Variants in PPARGC1B observed in about 807,000 individuals in gnomAD.
PPARGC1B encodes the protein PPARG coactivator 1 beta, also known as peroxisome proliferator-activated receptor gamma coactivator 1-beta.
A neutral mutation model predicts 101.6 loss-of-function variants in PPARGC1B; 34 were observed. The observed-to-expected ratio is 0.33, with a 90% CI of 0.25 to 0.45. The LOEUF (loss-of-function observed/expected upper bound fraction) is 0.45, where lower values mean the gene tolerates loss of function less well. Ranked by LOEUF, PPARGC1B falls within the 20% of genes least tolerant of loss-of-function variation. The pLI is 1.00. For synonymous variants in PPARGC1B, 548 were observed against 539.3 expected (o/e 1.02, Z -0.22); for missense variants, 1,234 against 1,317.6 (o/e 0.94, Z 0.98).
At chr5:149,804,608 T>G (rs1383736643) in intron 1 of PPARGC1B, among the ~76,000 whole-genome samples, 1 of 152,088 alleles carries the variant, frequency 6.6e-6, no homozygotes, top group Non-Finnish European at 1.5e-5. Flanking sequence ...GGAGACAGAT[T>G]GCAGTGAGGT....
In PPARGC1B at chr5:149,826,679, A is replaced by G. The variant is rs1389067862; in HGVS notation, c.259A>G (p.Ser87Gly). 3 of 1,613,540 alleles carry G rather than the reference A, an allele frequency of 1.9e-6. No homozygotes were observed. Residue 87 changes from serine (S) to glycine (G), a missense_variant, in exon 3 of 12, where the codon AGT becomes GGT. Ser to Gly is a moderately conservative substitution (Grantham distance 56, BLOSUM62 0). This residue lies in a region of PPARGC1B where 734 missense variants were observed against 768.4 expected (regional missense o/e 0.96). Coordinates refer to ENST00000309241, the MANE Select transcript of PPARGC1B (RefSeq NM_133263.4). ...CCCGCCCTCCTCACTCCAGATTGAC[A>G]GTGAGAATGAGGCCCTCCTGGCAGA... ...PDDSELFQID[S>G]ENEALLAELT...
intron 1 of PPARGC1B, among the ~76,000 whole-genome samples, chr5:149,776,225 G>A (rs1205341219): frequency 6.6e-6 from 1 of 152,206 alleles, no homozygotes; most frequent in Non-Finnish European, 1.5e-5. Flanking sequence ...AGTAGTAGGG[G>A]CTGAACCATA....
At chr5:149,818,692 T>C (rs2113349105) in intron 1 of PPARGC1B, 1 of 367,138 alleles carries the variant, frequency 2.7e-6, no homozygotes, top group Middle Eastern at 9.3e-4. Context: ...TGCCTCTTTT[T>C]GTTCTCTGAG....
chr5:149,773,978 A>G lies in PPARGC1B; in HGVS notation c.78+43558A>G, dbSNP rs1581037608. Among the ~76,000 whole-genome samples the G allele has an allele frequency of 2.6e-5, 4 of 152,190 alleles. No homozygotes were observed. In the South Asian group the frequency reaches 8.3e-4, roughly 31 times the overall value. The stretch of plus-strand genomic sequence containing the variant: ...TGTCCCCAGATGCATGGCAGCCTGT[A>G]CCTGCCAGTCAGAAAGCAGGTGTCC... On this transcript the variant is annotated intron_variant, in intron 1 of 11. Coordinates refer to ENST00000309241, the MANE Select transcript of PPARGC1B (RefSeq NM_133263.4).
At position 149,737,984 on chromosome 5, in the gene PPARGC1B, ACT is replaced by A. The variant is rs200006526; in HGVS notation, c.78+7567_78+7568del. On this transcript the variant is annotated intron_variant, in intron 1 of 11. Coordinates refer to ENST00000309241, the MANE Select transcript of PPARGC1B (RefSeq NM_133263.4). ...ACTCCAGCTTGGGTGACAGAGTGAG[ACT>A]CTGTCTCAAAAAAAAGATTGTTGTG... is the stretch of plus-strand genomic sequence containing the variant. Among the ~76,000 whole-genome samples, 1,222 of 152,214 alleles carry A rather than the reference ACT, an allele frequency of 8.0e-3. 19 individuals are homozygous for A. The highest frequency in any genetic ancestry group is 0.027 in the African/African-American group (1,113 of 41,522).
At chr5:149,759,950 A>G (rs1326119702) in intron 1 of PPARGC1B, among the ~76,000 whole-genome samples, 1 of 152,196 alleles carries the variant, frequency 6.6e-6, no homozygotes, top group Non-Finnish European at 1.5e-5. Context: ...TGTTAGACTC[A>G]TTCACCCTGT....
intron 1 of PPARGC1B, among the ~76,000 whole-genome samples, chr5:149,808,749 C>G (rs117628579): frequency 2.0e-5 from 3 of 152,098 alleles, no homozygotes; most frequent in African/African-American, 7.2e-5. Flanking sequence ...GTTTCTTGAA[C>G]GCATGTTTAT....
chr5:149,781,204 C>CAAA (rs35016517), intron 1 of PPARGC1B, among the ~76,000 whole-genome samples: 133 of 121,668 alleles, frequency 1.1e-3, no homozygotes, highest in African/African-American at 3.8e-3. Context: ...GACTTCATCT[C>CAAA]AAAAAAAAAA....
intron 1 of PPARGC1B, among the ~76,000 whole-genome samples, chr5:149,763,402 G>C (rs1437720102): frequency 6.6e-6 from 1 of 152,182 alleles, no homozygotes; most frequent in African/African-American, 2.4e-5. Context: ...GCAGGGGGAG[G>C]TGTTTGGAGT....
intron 5 of PPARGC1B, 138 bp from the exon 6 acceptor site, chr5:149,834,536 G>A (rs1053442328): frequency 3.1e-5 from 21 of 671,644 alleles, no homozygotes; most frequent in Non-Finnish European, 5.2e-5. Context: ...TTCTCTAAAA[G>A]TGGCAGAGGT....
chr5:149,842,927 G>A (rs529481331), intron 10 of PPARGC1B, among the ~76,000 whole-genome samples: 7 of 152,286 alleles, frequency 4.6e-5, no homozygotes, highest in African/African-American at 1.7e-4. Flanking sequence ...CAGCATTTGG[G>A]GAGGCCAAGG....
chr5:149,759,058 CTA>C (rs1289988151), intron 1 of PPARGC1B, among the ~76,000 whole-genome samples: 1 of 152,152 alleles, frequency 6.6e-6, no homozygotes, highest in Non-Finnish European at 1.5e-5. Context: ...TTAAAAGTGA[CTA>C]TTATTTCTTT....
chr5:149,840,763 T>C (rs1439869300), intron 9 of PPARGC1B, among the ~76,000 whole-genome samples: 1 of 152,050 alleles, frequency 6.6e-6, no homozygotes, highest in Non-Finnish European at 1.5e-5. Flanking sequence ...GCTGGCCAGC[T>C]AGGCTATGTC....
chr5:149,829,939 G>T (rs1474155411), intron 3 of PPARGC1B, among the ~76,000 whole-genome samples: 1 of 149,480 alleles, frequency 6.7e-6, no homozygotes, highest in East Asian at 2.0e-4. Flanking sequence ...GGAGGCTGAG[G>T]CAGGAGAATC....
intron 1 of PPARGC1B, among the ~76,000 whole-genome samples, chr5:149,752,016 G>C (rs1755327298): frequency 6.6e-6 from 1 of 152,154 alleles, no homozygotes; most frequent in African/African-American, 2.4e-5. Context: ...CAATTGTAGA[G>C]TCATAAACAG....
At chr5:149,794,299 A>G (rs1303910694) in intron 1 of PPARGC1B, among the ~76,000 whole-genome samples, 3 of 152,106 alleles carry the variant, frequency 2.0e-5, no homozygotes, top group African/African-American at 7.2e-5. Flanking sequence ...GATTGTCTGG[A>G]TTTCATAAAA....
downstream of PPARGC1B, among the ~76,000 whole-genome samples, chr5:149,856,840 G>A (rs1237715650): frequency 2.0e-5 from 3 of 146,708 alleles, no homozygotes; most frequent in East Asian, 2.0e-4. Context: ...GTGCAATCTC[G>A]GCTCACTGGA....
At position 149,853,052 on chromosome 5, in the gene PPARGC1B, C is replaced by T. The variant is rs554955446; in HGVS notation, c.*5494C>T. 1.3e-5 allele frequency: 2 copies of T among 152,240 alleles called. No individual in the cohort carries two copies. Among genetic ancestry groups the T allele is most frequent in the African/African-American group, 4.8e-5 (2 of 41,518 alleles). 9.4% of individuals were successfully genotyped at this position (152,240 alleles called of 1,614,324 possible). On this transcript the variant is annotated 3_prime_UTR_variant, in exon 12 of 12. Coordinates refer to ENST00000309241, the MANE Select transcript of PPARGC1B (RefSeq NM_133263.4). The surrounding 1 kb of genome is among the most constrained non-coding windows in gnomAD (Gnocchi z 4.2). Reference sequence around the variant, plus strand: ...AAGAGGGGTTTATATAACTAGAACCCCCCTGGGCTGTATTTTTGGTCAAAG... The same window carrying T: ...AAGAGGGGTTTATATAACTAGAACCTCCCTGGGCTGTATTTTTGGTCAAAG...
intron 1 of PPARGC1B, among the ~76,000 whole-genome samples, chr5:149,731,136 T>C (rs1251589490): frequency 2.6e-5 from 4 of 152,180 alleles, no homozygotes; most frequent in South Asian, 2.1e-4. Flanking sequence ...CGCTCCACGA[T>C]GCAGGGGGAA....
Sources: gnomAD v4.1 joint callset for allele counts (sites outside exome capture counted in the v4.1 genomes callset) on GRCh38, gnomAD v4.1.1 for gene constraint, gnomAD v4.1.1 regional missense constraint, Gnocchi (gnomAD v3.1) non-coding constraint, MANE v1.5 for transcripts, NCBI Gene and HGNC (gene_info 2026-07-23, HGNC 2026-07-21) for gene names.